Variants in NPAS3 observed in about 807,000 individuals in gnomAD.
NPAS3 encodes the protein neuronal PAS domain protein 3.
In NPAS3, 14 loss-of-function variants were observed where a neutral mutation model predicts 73.1. The observed-to-expected ratio is 0.19, with a 90% CI of 0.13 to 0.30. The LOEUF (loss-of-function observed/expected upper bound fraction) is 0.30, where lower values mean the gene tolerates loss of function less well. Ranked by LOEUF, NPAS3 falls within the 10% of genes least tolerant of loss-of-function variation. The pLI is 1.00. For missense variants in NPAS3, 1,096 were observed against 1,250.0 expected (o/e 0.88, Z 1.86); for synonymous variants, 620 against 541.5 (o/e 1.14, Z -2.01).
chr14:33,358,319 T>C (rs1171543090), intron 3 of NPAS3, among the ~76,000 whole-genome samples: 1 of 152,176 alleles, frequency 6.6e-6, no homozygotes, highest in African/African-American at 2.4e-5. Context: ...TGTAACTATG[T>C]GACTGTTATG....
rs1566526354 is a variant in NPAS3, at chr14:33,774,534, CTTTGTT to C, written c.1046+13_1046+18del. 3 of 1,611,666 alleles carry C rather than the reference CTTTGTT, an allele frequency of 1.9e-6. No homozygotes were observed. The highest frequency in any genetic ancestry group is 2.2e-5 in the East Asian group (1 of 44,804). On this transcript the variant is annotated splice_donor_5th_base_variant and intron_variant, in intron 8 of 11. Transcript: ENST00000356141. ...ATATCATTTACTGTGAAAATAGGTA[CTTTGTT>C]TTTGTTTTCATTTGCCCTGTTGCAC...
At chr14:33,385,219 G>C (rs1271119223) in intron 4 of NPAS3, among the ~76,000 whole-genome samples, 1 of 152,164 alleles carries the variant, frequency 6.6e-6, no homozygotes, top group Non-Finnish European at 1.5e-5. Flanking sequence ...GTGATGTGTA[G>C]ATGACCACCC....
intron 2 of NPAS3, among the ~76,000 whole-genome samples, chr14:33,108,429 T>C (rs1221616935): frequency 6.6e-6 from 1 of 152,066 alleles, no homozygotes; most frequent in Non-Finnish European, 1.5e-5. Flanking sequence ...CTTCACCTCA[T>C]GATCCGTCTA....
chr14:33,320,092 G>GA lies in NPAS3; in HGVS notation c.386-47091dup, dbSNP rs569855734. Among the ~76,000 whole-genome samples the GA allele has an allele frequency of 3.6e-4, 55 of 152,218 alleles. 2 individuals carry two copies. The South Asian group carries it at 0.011, about 31-fold the overall frequency. The stretch of plus-strand genomic sequence containing the variant: ...AATTGGGGTTGGAGAAGCCATCAAA[G>GA]AAAGGGTATAATGTTGGTTGGTAGA... On this transcript the variant is annotated intron_variant, in intron 3 of 11. Coordinates refer to ENST00000356141, the Ensembl canonical transcript of NPAS3.
intron 3 of NPAS3, among the ~76,000 whole-genome samples, chr14:33,317,552 G>A (rs958973410): frequency 1.2e-4 from 18 of 152,038 alleles, no homozygotes; most frequent in African/African-American, 4.3e-4. Context: ...AGAGGTAGTT[G>A]AATTGTGGAG....
intron 2 of NPAS3, among the ~76,000 whole-genome samples, chr14:33,083,441 G>C (rs1194859815): frequency 6.6e-6 from 1 of 151,986 alleles, no homozygotes; most frequent in Non-Finnish European, 1.5e-5. Flanking sequence ...GATAATGAGA[G>C]TCTCCAGTTC....
chr14:33,131,198 T>C (rs983953765), intron 2 of NPAS3, among the ~76,000 whole-genome samples: 4 of 152,244 alleles, frequency 2.6e-5, no homozygotes, highest in South Asian at 2.1e-4. Context: ...GTTTTTAGTC[T>C]CTCTTGTGTA....
intron 4 of NPAS3, among the ~76,000 whole-genome samples, chr14:33,479,620 T>C (rs954978077): frequency 2.0e-5 from 3 of 152,208 alleles, no homozygotes; most frequent in East Asian, 1.9e-4. Flanking sequence ...AAAGTTCTTA[T>C]AGGAGTTGGC....
chr14:33,599,463 G>A (rs2057338525), intron 5 of NPAS3, among the ~76,000 whole-genome samples: 1 of 152,114 alleles, frequency 6.6e-6, no homozygotes, highest in Admixed American at 6.5e-5. Context: ...ATAAACTAAT[G>A]ATCTGGTTAA....
chr14:33,518,737 C>A (rs1191553311), intron 4 of NPAS3, among the ~76,000 whole-genome samples: 1 of 151,764 alleles, frequency 6.6e-6, no homozygotes, highest in Non-Finnish European at 1.5e-5. Flanking sequence ...AGTCTCTGAC[C>A]AGCCTCACCC....
chr14:33,367,935 A>G (rs1373174893), intron 4 of NPAS3, among the ~76,000 whole-genome samples: 1 of 152,068 alleles, frequency 6.6e-6, no homozygotes, highest in Non-Finnish European at 1.5e-5. Flanking sequence ...ACTTTTTTTT[A>G]CTAAGACTTT....
chr14:33,059,143 A>G (rs1003562199), intron 2 of NPAS3, among the ~76,000 whole-genome samples: 4 of 152,216 alleles, frequency 2.6e-5, no homozygotes, highest in African/African-American at 9.6e-5. Flanking sequence ...TCTAAGCCCC[A>G]AGTGATTGTT....
At chr14:33,502,384 T>C (rs2052560332) in intron 4 of NPAS3, among the ~76,000 whole-genome samples, 2 of 151,862 alleles carry the variant, frequency 1.3e-5, no homozygotes, top group Non-Finnish European at 2.9e-5. Flanking sequence ...TTCTTACCCA[T>C]CATCCTCATT....
At position 33,308,527 on chromosome 14, in the gene NPAS3, T is replaced by TACACACACACACACACACAC. The variant is rs1555371843; in HGVS notation, c.386-58656_386-58655insCACACACACACACACACACA. Among the ~76,000 whole-genome samples the TACACACACACACACACACAC allele has an allele frequency of 1.6e-3, 164 of 103,710 alleles. 1 individual carries two copies. The highest frequency in any genetic ancestry group is 0.011 in the East Asian group (37 of 3,496). The allele number at this position is 103,710 out of a possible 152,430, so 68.0% of individuals were successfully genotyped here. Reference sequence around the variant, plus strand: ...TGCATAGTTTATATATATATATATATACATACACACACACACACACACACA... The same window carrying TACACACACACACACACACAC: ...TGCATAGTTTATATATATATATATATACACACACACACACACACACACATACACACACACACACACACACA... On this transcript the variant is annotated intron_variant, in intron 3 of 11. Coordinates refer to ENST00000356141, the Ensembl canonical transcript of NPAS3.
chr14:33,107,732 A>G (rs1247456422), intron 2 of NPAS3, among the ~76,000 whole-genome samples: 1 of 152,186 alleles, frequency 6.6e-6, no homozygotes, highest in Non-Finnish European at 1.5e-5. Context: ...CTACAAAATG[A>G]TAGAAGTTTA....
At chr14:33,347,634 A>G (rs904838009) in intron 3 of NPAS3, among the ~76,000 whole-genome samples, 2 of 152,194 alleles carry the variant, frequency 1.3e-5, no homozygotes, top group African/African-American at 4.8e-5. Flanking sequence ...TCCATGGGGA[A>G]TTGGTTCCAG....
intron 4 of NPAS3, among the ~76,000 whole-genome samples, chr14:33,498,633 T>C (rs903575067): frequency 1.3e-5 from 2 of 151,052 alleles, no homozygotes; most frequent in African/African-American, 4.9e-5. Flanking sequence ...TAAGTGGGAG[T>C]TGAACAATGG....
chr14:33,269,402 G>C (rs1448249843), intron 3 of NPAS3, among the ~76,000 whole-genome samples: 1 of 152,162 alleles, frequency 6.6e-6, no homozygotes, highest in African/African-American at 2.4e-5. Flanking sequence ...AAGTGGCAGA[G>C]CTGGGATTTG....
intron 1 of NPAS3, among the ~76,000 whole-genome samples, chr14:32,997,238 G>A (rs2038615164): frequency 6.6e-6 from 1 of 152,212 alleles, no homozygotes; most frequent in Admixed American, 6.5e-5. Flanking sequence ...TTTCTAGGAA[G>A]TAACTAACTT....
Sources: gnomAD v4.1 joint callset for allele counts (sites outside exome capture counted in the v4.1 genomes callset) on GRCh38, gnomAD v4.1.1 for gene constraint, MANE v1.5 for transcripts, NCBI Gene and HGNC (gene_info 2026-07-23, HGNC 2026-07-21) for gene names.